SUN2: variants seen among roughly 807,000 people sequenced by gnomAD.
The protein encoded by SUN2 is Sad1 and UNC84 domain containing 2.
In SUN2, 60 loss-of-function variants were observed where a neutral mutation model predicts 100.0. The observed-to-expected ratio is 0.60, with a 90% CI of 0.49 to 0.74. The LOEUF (loss-of-function observed/expected upper bound fraction) is 0.74, where lower values mean the gene tolerates loss of function less well. Among genes scored for constraint, SUN2 ranks in the 30% least tolerant of loss-of-function variants. The pLI, the probability that SUN2 is intolerant of heterozygous loss-of-function variation, is 0.00. For missense variants in SUN2, 834 were observed against 954.6 expected, an observed-to-expected ratio of 0.87 and a Z score of 1.66; for synonymous variants, 367 against 403.3, an observed-to-expected ratio of 0.91 and a Z score of 1.08.
At chr22:38,748,095 C>T (rs186961723) in intron 7 of SUN2, among the ~76,000 whole-genome samples, 1 of 152,306 alleles carries the variant, frequency 6.6e-6, no homozygotes, top group East Asian at 1.9e-4. Flanking sequence ...GCAGCTGGAT[C>T]ACCTGAGGTC....
At position 38,738,365 on chromosome 22, in the gene SUN2, G is replaced by A; in HGVS notation, c.1948-100C>T. ...CTCCCACCCAGCAGGTCAGGCACCA[G>A]AGTGGCCTATGACAAGTCACTTCAC... On this transcript the variant is annotated intron_variant, in intron 16 of 17. Coordinates refer to ENST00000689035, the MANE Select transcript of SUN2 (RefSeq NM_015374.3). The surrounding 1 kb of genome is among the most constrained non-coding windows in gnomAD (Gnocchi z 6.6). 8.4e-7 allele frequency: 1 copy of A among 1,186,186 alleles called. No homozygotes were observed. The highest frequency in any genetic ancestry group is 1.2e-6 in the Non-Finnish European group (1 of 824,880). 73.5% of individuals were successfully genotyped at this position (1,186,186 alleles called of 1,614,324 possible). A position where few individuals can be genotyped will look rare whatever the true frequency, so the allele number is the denominator to read the frequency against.
intron 8 of SUN2, among the ~76,000 whole-genome samples, chr22:38,744,257 G>C (rs967329347): frequency 1.1e-4 from 11 of 98,070 alleles, no homozygotes; most frequent in African/African-American, 5.1e-4. Context: ...GCAAGACTCT[G>C]TCTCAAAAAA....
rs1370359939 is a variant in SUN2 at position 38,738,968 on chromosome 22, G to A, written c.1684C>T (p.Arg562Ter). 18 of 1,612,506 alleles carry A rather than the reference G, an allele frequency of 1.1e-5. No homozygotes were observed. In the Admixed American group the frequency reaches 2.8e-4, roughly 25 times the overall value. Residue 562 changes from arginine (R) to a stop codon, truncating the protein, a stop_gained, in exon 15 of 18, where the codon CGA (arginine) becomes TGA (stop). Transcript: ENST00000689035. LOFTEE classifies it high-confidence loss of function. The surrounding 1 kb of genome is among the most constrained non-coding windows in gnomAD (Gnocchi z 6.6). Reference protein sequence around the residue: ...ESGGASVISTRCSETYETKTA... With the variant: ...ESGGASVIST Reference sequence around the variant, plus strand: ...TTGGTCTCGTAGGTCTCAGAACATCGGGTGCTGATGACGCTGGCCCCTGAG... The same window carrying A: ...TTGGTCTCGTAGGTCTCAGAACATCAGGTGCTGATGACGCTGGCCCCTGAG...
chr22:38,744,007 C>G (rs2092881774), intron 8 of SUN2: 1 of 152,146 alleles, frequency 6.6e-6, no homozygotes, highest in Non-Finnish European at 1.5e-5. Flanking sequence ...CTTTGGGAGG[C>G]CAAGGCGGGC....
chr22:38,751,245 C>A lies in SUN2; in HGVS notation c.251G>T (p.Ser84Ile). Residue 84 changes from serine (S) to isoleucine (I), a missense_variant, in exon 3 of 18, where the codon AGC becomes ATC. Around this residue, in one of 3 missense-constraint regions of SUN2, gnomAD observed 559 missense variants for 597.7 expected, o/e 0.94. Coordinates refer to ENST00000689035, the MANE Select transcript of SUN2 (RefSeq NM_015374.3). ...LVHESWFPPR[S>I]SLEELHGDAN... ...GTCACCATGCAGTTCCTCCAGGGAG[C>A]TCCTGGGTGGGAACCAGGACTCGTG... The A allele has an allele frequency of 6.2e-7, 1 of 1,613,902 alleles. No individual in the cohort carries two copies.
rs1438688740 is a variant in SUN2, at chr22:38,755,216, G to A, written c.-38+547C>T. ...CACAGCCAGGCCACACGCCCTTGTG[G>A]GACCTGCCAAACGCCCGGTGCTAAC... On this transcript the variant is annotated intron_variant, in intron 1 of 17. Transcript: ENST00000689035. The surrounding 1 kb of genome is among the most constrained non-coding windows in gnomAD (Gnocchi z 5.7). 1.7e-6 allele frequency: 2 copies of A among 1,180,480 alleles called. No individual in the cohort carries two copies. The highest frequency in any genetic ancestry group is 1.6e-5 in the African/African-American group (1 of 62,306). 73.1% of individuals were successfully genotyped at this position (1,180,480 alleles called of 1,614,324 possible).
rs775025047 is a variant in SUN2, at chr22:38,749,819, G to C, written c.561C>G (p.Thr187=). The C allele has an allele frequency of 9.9e-6, 16 of 1,613,938 alleles. No individual in the cohort carries two copies. In the African/African-American group the frequency reaches 1.9e-4, roughly 19 times the overall value. Residue 187 remains threonine, a synonymous_variant, in exon 6 of 18, where the codon ACC becomes ACG. Transcript: ENST00000689035. ...AGGCAGCTGTGGTCAGGCGGTACCA[G>C]GTGGTGCCAGCCCACCAGTAGAGAA... The part of the protein sequence containing the change: ...FRLLYWWAGT[T]WYRLTTAASL...
At position 38,752,494 on chromosome 22, in the gene SUN2, C is replaced by T. The variant is rs1177303669; in HGVS notation, c.122+13G>A. 3 of 1,604,334 alleles carry T rather than the reference C, an allele frequency of 1.9e-6. No individual in the cohort carries two copies. The highest frequency in any genetic ancestry group is 4.5e-5 in the East Asian group (2 of 44,634). On this transcript the variant is annotated intron_variant, in intron 2 of 17. Transcript: ENST00000689035. ...GGGCTGTCAGGGGCCGTGGCACTCC[C>T]TTGGGTCCCTACCTGAGAGGACTGT...
rs1048105034 is a variant in SUN2, at chr22:38,751,442, G to A, written c.123-69C>T. The A allele has an allele frequency of 2.5e-6, 4 of 1,571,268 alleles. No homozygotes were observed. The African/African-American group carries it at 4.1e-5, about 16-fold the overall frequency. On this transcript the variant is annotated intron_variant, in intron 2 of 17. Transcript: ENST00000689035. ...AGCCCAGCCAGGAGCATGAAGGAAA[G>A]CCACAGCCTGCGGCCCTGCCTAGTG... is the stretch of plus-strand genomic sequence containing the variant.
chr22:38,754,907 T>C (rs1171198561), intron 1 of SUN2: 1 of 1,289,218 alleles, frequency 7.8e-7, no homozygotes, highest in Non-Finnish European at 1.0e-6. Context: ...CCATTGAGTC[T>C]GGGTTTCACA....
intron 9 of SUN2, 95 bp from the exon 10 acceptor site, chr22:38,741,666 CTGTT>C (rs1446894786): frequency 8.4e-6 from 10 of 1,185,926 alleles, no homozygotes; most frequent in Non-Finnish European, 1.1e-5. Flanking sequence ...CAAACAAGGT[CTGTT>C]TGCTTCCAGA....
Position 38,738,312 on chromosome 22 carries a change from AC to A in SUN2, c.1948-48del, listed in dbSNP as rs1480335860. On this transcript the variant is annotated intron_variant, in intron 16 of 17. Coordinates refer to ENST00000689035, the MANE Select transcript of SUN2 (RefSeq NM_015374.3). This position sits in a 1 kb window ranked among gnomAD's most constrained non-coding sequence, Gnocchi z 6.6. ...GTGGGGAGGGGCTGGAGCAGGGAGA[AC>A]ACCCCTCCCCACTCCAATCCCTGCT... The A allele has an allele frequency of 2.7e-6, 4 of 1,509,418 alleles. No individual in the cohort carries two copies. In the Admixed American group the frequency reaches 6.8e-5, roughly 26 times the overall value. 93.5% of individuals were successfully genotyped at this position (1,509,418 alleles called of 1,614,324 possible).
At chr22:38,744,792 C>T (rs562120637) in intron 8 of SUN2, among the ~76,000 whole-genome samples, 5 of 152,318 alleles carry the variant, frequency 3.3e-5, no homozygotes, top group Admixed American at 3.3e-4. Context: ...AGATGTGAGC[C>T]ACCAGGCTTG....
Position 38,736,015 on chromosome 22 carries a change from A to G in SUN2, c.*252T>C. ...CAGTCCCCCATGATATGCTACATAT[A>G]TACACACTCCCAGGATGGGAAGCAG... is the stretch of plus-strand genomic sequence containing the variant. On this transcript the variant is annotated 3_prime_UTR_variant, in exon 18 of 18. Transcript: ENST00000689035. The G allele has an allele frequency of 1.9e-6, 1 of 514,336 alleles. No homozygotes were observed. The highest frequency in any genetic ancestry group is 3.7e-6 in the Non-Finnish European group (1 of 273,438). 31.9% of individuals were successfully genotyped at this position (514,336 alleles called of 1,614,324 possible).
chr22:38,750,004 G>T, intron 5 of SUN2, 145 bp from the exon 6 acceptor site: 2 of 1,062,034 alleles, frequency 1.9e-6, no homozygotes, highest in Non-Finnish European at 2.7e-6. Flanking sequence ...CAGGTCCTTG[G>T]ATCCCACCTG....
chr22:38,749,813 G>A lies in SUN2; in HGVS notation c.567C>T (p.Tyr189=), dbSNP rs1412958895. The A allele has an allele frequency of 3.1e-6, 5 of 1,613,944 alleles. No homozygotes were observed. In the African/African-American group the frequency reaches 5.3e-5, roughly 17 times the overall value. Residue 189 remains tyrosine, a synonymous_variant, in exon 6 of 18, where the codon TAC becomes TAT. Coordinates refer to ENST00000689035, the MANE Select transcript of SUN2 (RefSeq NM_015374.3). ...LLYWWAGTTW[Y]RLTTAASLLD... is the part of the protein sequence containing the mutation. The stretch of plus-strand genomic sequence containing the variant: ...GGAGGGAGGCAGCTGTGGTCAGGCG[G>A]TACCAGGTGGTGCCAGCCCACCAGT...
chr22:38,737,841 C>G lies in SUN2; in HGVS notation c.2040+332G>C. 1.9e-6 allele frequency: 1 copy of G among 522,812 alleles called. No individual in the cohort carries two copies. Among genetic ancestry groups the G allele is most frequent in the Non-Finnish European group, 3.8e-6 (1 of 265,770 alleles). The allele number at this position is 522,812 out of a possible 1,614,324, so 32.4% of individuals were successfully genotyped here. On this transcript the variant is annotated intron_variant, in intron 17 of 17. Coordinates refer to ENST00000689035, the MANE Select transcript of SUN2 (RefSeq NM_015374.3). The surrounding 1 kb of genome is among the most constrained non-coding windows in gnomAD (Gnocchi z 4.1). Reference sequence around the variant, plus strand: ...CTCCAGCTGGCCATGGTAGAATGCCCGCGCCCTGGCATGTGCTGGCGGCGG... The same window carrying G: ...CTCCAGCTGGCCATGGTAGAATGCCGGCGCCCTGGCATGTGCTGGCGGCGG...
At chr22:38,752,011 G>A (rs2146088801) in intron 2 of SUN2, among the ~76,000 whole-genome samples, 1 of 152,232 alleles carries the variant, frequency 6.6e-6, no homozygotes, top group East Asian at 1.9e-4. Flanking sequence ...TTTCACTCTT[G>A]TCAACCCAGG....
At chr22:38,752,769 C>T (rs994586303) in intron 1 of SUN2, 104 bp from the exon 2 acceptor site, 2 of 1,343,186 alleles carry the variant, frequency 1.5e-6, no homozygotes, top group African/African-American at 2.9e-5. Flanking sequence ...CGAGAACAGA[C>T]CACCCCCCCG....
Sources: gnomAD v4.1 joint callset for allele counts (sites outside exome capture counted in the v4.1 genomes callset) on GRCh38, gnomAD v4.1.1 for gene constraint, gnomAD v4.1.1 regional missense constraint, Gnocchi (gnomAD v3.1) non-coding constraint, MANE v1.5 for transcripts, NCBI Gene and HGNC (gene_info 2026-07-23, HGNC 2026-07-21) for gene names.